DIP2A: variants seen among roughly 807,000 people sequenced by gnomAD.
DIP2A encodes the protein DIP2 acetate--CoA ligase A.
DIP2A carries 85 observed loss-of-function variants against 177.4 expected under a neutral mutation model. That is an observed-to-expected ratio of 0.48 (90% CI 0.40 to 0.57). The LOEUF (loss-of-function observed/expected upper bound fraction) is 0.57. Ranked by LOEUF, DIP2A falls within the 20% of genes least tolerant of loss-of-function variation. The probability of loss-of-function intolerance (pLI) is 0.00; values close to 1 mark genes in which losing one functional copy is unlikely to be tolerated. For synonymous variants in DIP2A, 886 were observed against 881.8 expected, an observed-to-expected ratio of 1.00 and a Z score of -0.08; for missense variants, 1,791 against 2,100.2, an observed-to-expected ratio of 0.85 and a Z score of 2.88.
intron 37 of DIP2A, 73 bp downstream of exon 37, chr21:46,566,756 G>T (rs555183185): frequency 6.3e-7 from 1 of 1,587,532 alleles, no homozygotes; most frequent in African/African-American, 1.3e-5. Flanking sequence ...GCTGTGCATC[G>T]GTTGGAGCAG....
intron 1 of DIP2A, among the ~76,000 whole-genome samples, chr21:46,471,471 A>G (rs2055375030): frequency 6.6e-6 from 1 of 152,220 alleles, no homozygotes; most frequent in African/African-American, 2.4e-5. Context: ...TTTTAAAACT[A>G]ATTTTTGCTG....
At chr21:46,469,481 C>T (rs2055162646) in intron 1 of DIP2A, among the ~76,000 whole-genome samples, 1 of 152,216 alleles carries the variant, frequency 6.6e-6, no homozygotes, top group South Asian at 2.1e-4. Context: ...CCTGTAGGAT[C>T]CAGGCTAAGC....
chr21:46,564,401 A>G (rs913765443), intron 35 of DIP2A, among the ~76,000 whole-genome samples: 13 of 152,170 alleles, frequency 8.5e-5, no homozygotes, highest in African/African-American at 1.2e-4. Context: ...GACACAGTGG[A>G]GGGTGCGGGT....
intron 5 of DIP2A, among the ~76,000 whole-genome samples, chr21:46,500,143 G>A (rs1204170328): frequency 6.6e-6 from 1 of 152,158 alleles, no homozygotes; most frequent in East Asian, 1.9e-4. Flanking sequence ...GTTTGTTTGA[G>A]TCAGCACATC....
intron 8 of DIP2A, among the ~76,000 whole-genome samples, chr21:46,524,872 CTTTTTTTTTTTT>C (rs3061062): frequency 3.6e-4 from 23 of 63,394 alleles, no homozygotes; most frequent in Admixed American, 9.6e-4. Context: ...TTGCTTTTTG[CTTTTTTTTTTTT>C]TTTTTTTTTT....
In DIP2A at chr21:46,546,895, AC is replaced by A; in HGVS notation, c.2395-19del. 6.2e-7 allele frequency: 1 copy of A among 1,612,982 alleles called. No homozygotes were observed. The highest frequency in any genetic ancestry group is 8.5e-7 in the Non-Finnish European group (1 of 1,179,424). On this transcript the variant is annotated intron_variant, in intron 20 of 37. Transcript: ENST00000417564. ...TTCTGCCCGTGTGGGTGGAGTCTTG[AC>A]GCACACCCTTTCCCTCAGGACAACC...
chr21:46,549,845 CGGA>C lies in DIP2A; in HGVS notation c.2604_2606del (p.Glu868del). On this transcript the variant is annotated inframe_deletion, in exon 22 of 38. Coordinates refer to ENST00000417564, the MANE Select transcript of DIP2A (RefSeq NM_015151.4). ...GTGGCTGAGCAGCGGCCGGATGCCT[CGGA>C]GGAGGACAGCTTCCAGTGGATGAGC... 6.2e-7 allele frequency: 1 copy of C among 1,612,944 alleles called. No individual in the cohort carries two copies.
intron 2 of DIP2A, among the ~76,000 whole-genome samples, chr21:46,486,070 C>CAAA (rs1174271396): frequency 1.7e-5 from 1 of 60,030 alleles, no homozygotes; most frequent in African/African-American, 6.9e-5. Flanking sequence ...GACTTCATCT[C>CAAA]AAAAAAAAAA....
chr21:46,578,170 G>A, the DIP2A span, among the ~76,000 whole-genome samples: 2 of 152,294 alleles, frequency 1.3e-5, no homozygotes, highest in East Asian at 3.9e-4. Context: ...AAATTAGCCA[G>A]GCGTGGTGGT....
chr21:46,542,569 G>A (rs1405717984), intron 18 of DIP2A, among the ~76,000 whole-genome samples: 1 of 152,242 alleles, frequency 6.6e-6, no homozygotes, highest in Non-Finnish European at 1.5e-5. Context: ...AGATGTTGGA[G>A]GTTTTCCTTG....
intron 5 of DIP2A, among the ~76,000 whole-genome samples, chr21:46,503,811 C>T (rs761349766): frequency 2.6e-5 from 4 of 151,952 alleles, no homozygotes; most frequent in African/African-American, 9.7e-5. Context: ...CTGCAACCTC[C>T]GCCTCCTGGG....
chr21:46,503,571 TCTTCCTTCCTTCCTTC>T (rs911345370), intron 5 of DIP2A, among the ~76,000 whole-genome samples: 63 of 83,760 alleles, frequency 7.5e-4, no homozygotes, highest in Admixed American at 1.5e-3. Context: ...TGAGGGAATT[TCTTCCTTCCTTCCTTC>T]CTTCCTTCCT....
chr21:46,547,737 A>G (rs947601032), intron 21 of DIP2A, among the ~76,000 whole-genome samples: 2 of 141,948 alleles, frequency 1.4e-5, no homozygotes, highest in Non-Finnish European at 3.0e-5. Flanking sequence ...TAGTGTGACC[A>G]TAACTCACTG....
intron 8 of DIP2A, among the ~76,000 whole-genome samples, chr21:46,520,035 C>T (rs369411017): frequency 6.9e-4 from 104 of 151,768 alleles, no homozygotes; most frequent in Middle Eastern, 3.4e-3. Context: ...CCACCACGCC[C>T]GGCTAATGTT....
Position 46,557,811 on chromosome 21 carries a change from A to C in DIP2A, c.3798+58A>C, listed in dbSNP as rs559744784. On this transcript the variant is annotated intron_variant, in intron 31 of 37. Transcript: ENST00000417564. This position sits in a 1 kb window ranked among gnomAD's most constrained non-coding sequence, Gnocchi z 6.0. Reference sequence around the variant, plus strand: ...TGCAGACCACAGCCCTGGGAAGTTTAAAAACAACAAAACAAAACAAGACTC... The same window carrying C: ...TGCAGACCACAGCCCTGGGAAGTTTCAAAACAACAAAACAAAACAAGACTC... 4.5e-6 allele frequency: 7 copies of C among 1,554,470 alleles called. No homozygotes were observed. The Admixed American group carries it at 1.3e-4, about 29-fold the overall frequency.
At chr21:46,484,905 T>C in intron 2 of DIP2A, 77 bp downstream of exon 2, 1 of 1,394,372 alleles carries the variant, frequency 7.2e-7, no homozygotes, top group South Asian at 1.4e-5. Flanking sequence ...GTTTTTAGAG[T>C]TTAACATTTG....
In DIP2A at chr21:46,508,702, A is replaced by T. The variant is rs117312749; in HGVS notation, c.785-555A>T. Among the ~76,000 whole-genome samples the T allele has an allele frequency of 2.0e-4, 30 of 151,898 alleles. No homozygotes were observed. The East Asian group carries it at 5.7e-3, about 29-fold the overall frequency. ...CATAAACTTCCTGAAAGGGACTTGGATGCCCCAGGGGTCCCTGGACCATTT... is the reference window on the plus strand; with the variant it reads ...CATAAACTTCCTGAAAGGGACTTGGTTGCCCCAGGGGTCCCTGGACCATTT... On this transcript the variant is annotated intron_variant, in intron 6 of 37. Coordinates refer to ENST00000417564, the MANE Select transcript of DIP2A (RefSeq NM_015151.4).
At position 46,538,625 on chromosome 21, in the gene DIP2A, C is replaced by A. The variant is rs574248834; in HGVS notation, c.1921+23C>A. On this transcript the variant is annotated intron_variant, in intron 16 of 37. Coordinates refer to ENST00000417564, the MANE Select transcript of DIP2A (RefSeq NM_015151.4). ...CGTGTGAGTGAGCCTGTGTGCCCGG[C>A]GCATACCCCACACAGTGTCCCCTCC... is the stretch of plus-strand genomic sequence containing the variant. 5 of 1,544,952 alleles carry A rather than the reference C, an allele frequency of 3.2e-6. No homozygotes were observed. In the South Asian group the frequency reaches 4.8e-5, roughly 15 times the overall value.
At chr21:46,558,596 T>G in intron 32 of DIP2A, 1 of 611,460 alleles carries the variant, frequency 1.6e-6, no homozygotes, top group Non-Finnish European at 2.9e-6. Context: ...AAAGGCTTAT[T>G]TGGAAAAAAA....
Sources: allele counts gnomAD v4.1 joint callset (sites outside exome capture counted in the v4.1 genomes callset), GRCh38; gene constraint gnomAD v4.1.1; non-coding constraint Gnocchi (gnomAD v3.1); transcripts MANE v1.5; gene names NCBI Gene and HGNC (gene_info 2026-07-23, HGNC 2026-07-21).